PTPRD: variants seen among roughly 807,000 people sequenced by gnomAD.
The protein encoded by PTPRD is protein tyrosine phosphatase receptor type D.
PTPRD carries 34 observed loss-of-function variants against 214.5 expected under a neutral mutation model. That is an observed-to-expected ratio of 0.16 (90% CI 0.12 to 0.21). The LOEUF (loss-of-function observed/expected upper bound fraction) is 0.21. Among genes scored for constraint, PTPRD ranks in the 10% least tolerant of loss-of-function variants. The pLI, the probability that PTPRD is intolerant of heterozygous loss-of-function variation, is 1.00. For synonymous variants in PTPRD, 1,128 were observed against 845.7 expected, an observed-to-expected ratio of 1.33 and a Z score of -5.79; for missense variants, 2,545 against 2,398.7, an observed-to-expected ratio of 1.06 and a Z score of -1.27.
chr9:9,998,145 T>TAA (rs2096209249), intron 4 of PTPRD, among the ~76,000 whole-genome samples: 1 of 133,894 alleles, frequency 7.5e-6, no homozygotes, highest in Admixed American at 7.9e-5. Flanking sequence ...TATATATATA[T>TAA]AAAAGAAGAA....
intron 14 of PTPRD, among the ~76,000 whole-genome samples, chr9:8,627,645 G>A (rs1217148704): frequency 4.0e-5 from 6 of 151,836 alleles, no homozygotes; most frequent in African/African-American, 7.2e-5. Flanking sequence ...ATAGTTCCAA[G>A]GAAGGAGCAT....
At chr9:9,838,084 C>A (rs1199198954) in intron 5 of PTPRD, among the ~76,000 whole-genome samples, 2 of 152,192 alleles carry the variant, frequency 1.3e-5, no homozygotes, top group East Asian at 1.9e-4. Flanking sequence ...CATGTCCCTA[C>A]AAAGGACATG....
At chr9:10,581,387 T>C (rs2071734890) in intron 2 of PTPRD, among the ~76,000 whole-genome samples, 1 of 152,242 alleles carries the variant, frequency 6.6e-6, no homozygotes, top group Non-Finnish European at 1.5e-5. Context: ...GACAAGTTTA[T>C]AGACTGCTCA....
intron 2 of PTPRD, among the ~76,000 whole-genome samples, chr9:10,356,006 C>A (rs1189759413): frequency 2.6e-5 from 4 of 152,080 alleles, no homozygotes; most frequent in African/African-American, 9.6e-5. Flanking sequence ...ATATTAATAT[C>A]TATTAAGCGA....
chr9:8,884,428 G>C (rs1023498932), intron 11 of PTPRD, among the ~76,000 whole-genome samples: 3 of 152,214 alleles, frequency 2.0e-5, no homozygotes, highest in African/African-American at 7.2e-5. Context: ...CCAGAAGGTA[G>C]AATAAGGTGA....
intron 5 of PTPRD, among the ~76,000 whole-genome samples, chr9:9,880,639 T>A (rs1390338188): frequency 2.0e-5 from 3 of 152,170 alleles, no homozygotes; most frequent in Non-Finnish European, 4.4e-5. Flanking sequence ...CTGTGTGTGT[T>A]GTGTGCTTGT....
chr9:8,580,333 T>A (rs1202260023), intron 14 of PTPRD, among the ~76,000 whole-genome samples: 1 of 152,114 alleles, frequency 6.6e-6, no homozygotes, highest in Non-Finnish European at 1.5e-5. Flanking sequence ...AGAAAATAGT[T>A]TAGAACAAAC....
chr9:8,322,577 GAA>G (rs1052763503), intron 44 of PTPRD, among the ~76,000 whole-genome samples: 1 of 152,162 alleles, frequency 6.6e-6, no homozygotes, highest in African/African-American at 2.4e-5. Context: ...GGCTGCAGAA[GAA>G]AAGTTTGAAG....
In PTPRD at chr9:9,786,572, T is replaced by C. The variant is rs112669121; in HGVS notation, c.-367-19721A>G. On this transcript the variant is annotated intron_variant, in intron 5 of 45. Transcript: ENST00000381196. ...TAAATCACAGTGGACATTCCCTTGCTGGTAGAAGCAAGACGAGGAGTACTT... is the reference window on the plus strand; with the variant it reads ...TAAATCACAGTGGACATTCCCTTGCCGGTAGAAGCAAGACGAGGAGTACTT... Among the ~76,000 whole-genome samples, 535 of 152,278 alleles carry C rather than the reference T, an allele frequency of 3.5e-3. 3 individuals carry two copies. The highest frequency in any genetic ancestry group is 0.012 in the African/African-American group (504 of 41,562).
rs374426969 is a variant in PTPRD at position 9,331,007 on chromosome 9, T to C, written c.-203+66442A>G. ...AATGAACAGAGTAAATCTGGTCATT[T>C]GGTTGCATGGAATAAAAAATCCTGG... On this transcript the variant is annotated intron_variant, in intron 9 of 45. Coordinates refer to ENST00000381196, the MANE Select transcript of PTPRD (RefSeq NM_002839.4). 2.0e-5 allele frequency among the ~76,000 whole-genome samples: 3 copies of C among 151,940 alleles called. No individual in the cohort carries two copies. In the East Asian group the frequency reaches 5.8e-4, roughly 29 times the overall value.
intron 2 of PTPRD, among the ~76,000 whole-genome samples, chr9:10,582,936 T>C (rs1207785621): frequency 2.6e-5 from 4 of 152,040 alleles, no homozygotes; most frequent in Admixed American, 6.6e-5. Flanking sequence ...TGAAATGACA[T>C]AGGATAGAGG....
chr9:9,870,913 G>C (rs945230629), intron 5 of PTPRD, among the ~76,000 whole-genome samples: 1 of 152,036 alleles, frequency 6.6e-6, no homozygotes, highest in Non-Finnish European at 1.5e-5. Context: ...TCAACTTTCT[G>C]TACATGTGAA....
intron 5 of PTPRD, among the ~76,000 whole-genome samples, chr9:9,819,222 A>G (rs1243558317): frequency 6.6e-6 from 1 of 152,098 alleles, no homozygotes; most frequent in South Asian, 2.1e-4. Context: ...AAGTGTCTTC[A>G]TTGATGTTGA....
chr9:9,923,686 T>C (rs1195833218), intron 5 of PTPRD, among the ~76,000 whole-genome samples: 1 of 151,980 alleles, frequency 6.6e-6, no homozygotes, highest in Non-Finnish European at 1.5e-5. Context: ...AATCTTCAAC[T>C]TAAAATCTCA....
At chr9:9,975,944 A>G (rs963279143) in intron 4 of PTPRD, among the ~76,000 whole-genome samples, 1 of 152,206 alleles carries the variant, frequency 6.6e-6, no homozygotes, top group East Asian at 1.9e-4. Context: ...ACTAACGTTA[A>G]GTGAACTAGA....
intron 3 of PTPRD, among the ~76,000 whole-genome samples, chr9:10,243,876 T>G (rs908720685): frequency 6.6e-6 from 1 of 152,026 alleles, no homozygotes; most frequent in Non-Finnish European, 1.5e-5. Flanking sequence ...TTAATCATTT[T>G]TTTTTCTGTC....
intron 12 of PTPRD, among the ~76,000 whole-genome samples, chr9:8,684,698 A>C (rs1456300606): frequency 1.3e-5 from 2 of 152,216 alleles, no homozygotes; most frequent in Non-Finnish European, 2.9e-5. Flanking sequence ...GATTAACAGG[A>C]AACTATTTAC....
At position 10,112,256 on chromosome 9, in the gene PTPRD, C is replaced by T. The variant is rs143851027; in HGVS notation, c.-544-78466G>A. ...AGACAACCAGTCACAGCTGAGCTCC[C>T]AGGGTTTCTTGGAGCATGTGGTTGG... On this transcript the variant is annotated intron_variant, in intron 3 of 45. Coordinates refer to ENST00000381196, the MANE Select transcript of PTPRD (RefSeq NM_002839.4). Among the ~76,000 whole-genome samples, 685 of 152,288 alleles carry T rather than the reference C, an allele frequency of 4.5e-3. 4 individuals are homozygous for T. The highest frequency in any genetic ancestry group is 0.016 in the African/African-American group (655 of 41,560).
chr9:9,489,212 C>A (rs2095796345), intron 8 of PTPRD, among the ~76,000 whole-genome samples: 1 of 152,112 alleles, frequency 6.6e-6, no homozygotes, highest in African/African-American at 2.4e-5. Context: ...TAAGCTTACA[C>A]CTGCAACTGA....
Sources: allele counts gnomAD v4.1 joint callset (sites outside exome capture counted in the v4.1 genomes callset), GRCh38; gene constraint gnomAD v4.1.1; transcripts MANE v1.5; gene names NCBI Gene and HGNC (gene_info 2026-07-23, HGNC 2026-07-21).